The following BNC2 variants were observed in gnomAD, a reference collection of about 807,000 sequenced individuals.
The protein encoded by BNC2 is zinc finger protein basonuclin-2.
Under a neutral mutation model 76.3 loss-of-function variants are expected in BNC2, and 20 were observed. That is an observed-to-expected ratio of 0.26 (90% confidence interval 0.18 to 0.38). The LOEUF is 0.38. BNC2 is among the 10% of genes least tolerant of loss of function. The pLI is 1.00. For missense variants in BNC2, 1,382 were observed against 1,399.8 expected, an observed-to-expected ratio of 0.99 and a Z score of 0.20; for synonymous variants, 582 against 514.8, an observed-to-expected ratio of 1.13 and a Z score of -1.77.
chr9:16,574,029 AAG>A (rs1819411789), intron 4 of BNC2, among the ~76,000 whole-genome samples: 2 of 152,276 alleles, frequency 1.3e-5, no homozygotes, highest in South Asian at 4.1e-4. Context: ...ATAGAGAAGG[AAG>A]AGTGGTTGAA....
At position 16,475,481 on chromosome 9, in the gene BNC2, G is replaced by T. The variant is rs190256114; in HGVS notation, c.670-37957C>A. Among the ~76,000 whole-genome samples the T allele has an allele frequency of 2.1e-4, 32 of 152,204 alleles. 1 individual carries two copies. In the East Asian group the frequency reaches 5.6e-3, roughly 27 times the overall value. ...GCAAAACCATTAGCATTACGCTACA[G>T]CTCACTTAAGCATCCACTCAGATTC... On this transcript the variant is annotated intron_variant, in intron 5 of 6. Coordinates refer to ENST00000380672, the MANE Select transcript of BNC2 (RefSeq NM_017637.6).
intron 1 of BNC2, among the ~76,000 whole-genome samples, chr9:16,773,850 A>G (rs1316580419): frequency 6.6e-6 from 1 of 152,168 alleles, no homozygotes; most frequent in African/African-American, 2.4e-5. Flanking sequence ...CGTCCTTTCT[A>G]TTTGAATACA....
At chr9:16,586,293 A>T (rs1819769163) in intron 3 of BNC2, among the ~76,000 whole-genome samples, 1 of 152,094 alleles carries the variant, frequency 6.6e-6, no homozygotes, top group African/African-American at 2.4e-5. Context: ...TTAAGTCTGC[A>T]CCTTATTGAA....
At chr9:16,657,240 G>C (rs542002983) in intron 3 of BNC2, among the ~76,000 whole-genome samples, 1 of 152,278 alleles carries the variant, frequency 6.6e-6, no homozygotes, top group South Asian at 2.1e-4. Flanking sequence ...ACCTGGAAAA[G>C]ATTTATGTTT....
At chr9:16,714,195 G>A (rs938810080) in intron 3 of BNC2, among the ~76,000 whole-genome samples, 2 of 152,164 alleles carry the variant, frequency 1.3e-5, no homozygotes, top group Non-Finnish European at 2.9e-5. Context: ...GTTTAAACAC[G>A]GCAGAGGAGA....
intron 1 of BNC2, among the ~76,000 whole-genome samples, chr9:16,809,091 A>G (rs1394940396): frequency 6.6e-6 from 1 of 152,156 alleles, no homozygotes; most frequent in Non-Finnish European, 1.5e-5. Flanking sequence ...ATTGTTTCAT[A>G]TCAAATTCTA....
intron 5 of BNC2, among the ~76,000 whole-genome samples, chr9:16,514,962 T>A (rs190866795): frequency 2.4e-3 from 365 of 152,322 alleles, no homozygotes; most frequent in South Asian, 9.5e-3. Context: ...TCCAGATATA[T>A]ATTCTGGTTT....
At chr9:16,600,604 A>T (rs1327234477) in intron 3 of BNC2, among the ~76,000 whole-genome samples, 1 of 152,154 alleles carries the variant, frequency 6.6e-6, no homozygotes, top group Non-Finnish European at 1.5e-5. Context: ...TAGCTGAAAA[A>T]CATCATTTTT....
At chr9:16,541,426 T>C (rs1319301856) in intron 5 of BNC2, among the ~76,000 whole-genome samples, 1 of 152,162 alleles carries the variant, frequency 6.6e-6, no homozygotes. Flanking sequence ...CCATGGCTAC[T>C]GCAAGACAGA....
intron 1 of BNC2, among the ~76,000 whole-genome samples, chr9:16,833,628 A>G (rs1367076553): frequency 6.6e-6 from 1 of 152,160 alleles, no homozygotes; most frequent in Non-Finnish European, 1.5e-5. Context: ...CATGCTGGGA[A>G]TTGCTGGTTA....
intron 5 of BNC2, among the ~76,000 whole-genome samples, chr9:16,480,625 C>T (rs998233517): frequency 6.6e-5 from 10 of 152,188 alleles, no homozygotes; most frequent in African/African-American, 2.4e-4. Context: ...CCCTGCTGGA[C>T]CGGGCAATGA....
intron 3 of BNC2, among the ~76,000 whole-genome samples, chr9:16,724,988 T>G (rs959654869): frequency 6.6e-6 from 1 of 152,126 alleles, no homozygotes; most frequent in Non-Finnish European, 1.5e-5. Context: ...TAAATTTTAT[T>G]CATTTCATAA....
At chr9:16,516,457 C>G (rs1218804527) in intron 5 of BNC2, among the ~76,000 whole-genome samples, 6 of 151,884 alleles carry the variant, frequency 4.0e-5, no homozygotes, top group African/African-American at 2.4e-5. Context: ...ACTCATGAGA[C>G]CTTCTATACC....
intron 4 of BNC2, among the ~76,000 whole-genome samples, chr9:16,565,625 C>T (rs10962488): frequency 0.19 from 28,083 of 151,724 alleles, 4,570 homozygotes; most frequent in African/African-American, 0.44. Flanking sequence ...CTAAGCAACA[C>T]GGTGAGACCC....
intron 3 of BNC2, among the ~76,000 whole-genome samples, chr9:16,619,267 G>A (rs534869188): frequency 7.9e-5 from 12 of 151,812 alleles, no homozygotes; most frequent in African/African-American, 2.9e-4. Flanking sequence ...CGAAAGAAGG[G>A]AGCAAGGAGA....
chr9:16,556,075 G>C (rs936502215), intron 4 of BNC2, among the ~76,000 whole-genome samples: 5 of 152,038 alleles, frequency 3.3e-5, no homozygotes, highest in Admixed American at 2.6e-4. Flanking sequence ...CAAGGCAGGA[G>C]AATTGCTTGA....
chr9:16,425,567 C>T (rs1820788433), intron 6 of BNC2, among the ~76,000 whole-genome samples: 1 of 152,166 alleles, frequency 6.6e-6, no homozygotes, highest in South Asian at 2.1e-4. Flanking sequence ...AGCTTCCGAT[C>T]TAACTTTGAC....
At chr9:16,626,990 G>A (rs1186897477) in intron 3 of BNC2, among the ~76,000 whole-genome samples, 1 of 152,162 alleles carries the variant, frequency 6.6e-6, no homozygotes, top group East Asian at 1.9e-4. Flanking sequence ...GTGACAGTGA[G>A]GCGACTGAAT....
intron 1 of BNC2, among the ~76,000 whole-genome samples, chr9:16,786,704 C>G (rs1826303879): frequency 6.6e-6 from 1 of 152,122 alleles, no homozygotes; most frequent in Admixed American, 6.5e-5. Context: ...AGGCCCTGCC[C>G]CAAATGTGGG....
Sources: allele counts gnomAD v4.1 joint callset (sites outside exome capture counted in the v4.1 genomes callset), GRCh38; gene constraint gnomAD v4.1.1; transcripts MANE v1.5; gene names NCBI Gene and HGNC (gene_info 2026-07-23, HGNC 2026-07-21).